Variants in TNR observed in about 807,000 individuals in gnomAD.
TNR encodes tenascin R, also known as tenascin-R.
A neutral mutation model predicts 150.4 loss-of-function variants in TNR; 45 were observed. The ratio of observed to expected loss-of-function variants is 0.30; its 90% confidence interval spans 0.24 to 0.38. The LOEUF (loss-of-function observed/expected upper bound fraction) is 0.38. Among genes scored for constraint, TNR ranks in the 10% least tolerant of loss-of-function variants. The pLI is 1.00. For synonymous variants in TNR, 687 were observed against 678.4 expected, an observed-to-expected ratio of 1.01 and a Z score of -0.20; for missense variants, 1,544 against 1,759.1, an observed-to-expected ratio of 0.88 and a Z score of 2.19.
At chr1:175,671,286 G>T (rs1434671091) in intron 1 of TNR, among the ~76,000 whole-genome samples, 1 of 152,338 alleles carries the variant, frequency 6.6e-6, no homozygotes, top group African/African-American at 2.4e-5. Flanking sequence ...TTTATGCTCA[G>T]TTCTCAGGAG....
chr1:175,363,918 A>G (rs2102012467), intron 12 of TNR, 91 bp from the exon 13 acceptor site: 2 of 1,468,160 alleles, frequency 1.4e-6, no homozygotes, highest in Non-Finnish European at 1.8e-6. Flanking sequence ...CCAAAAGCCA[A>G]TGTTGTCCCA....
chr1:175,347,070 G>A (rs1215222010), intron 18 of TNR, among the ~76,000 whole-genome samples: 6 of 151,982 alleles, frequency 3.9e-5, no homozygotes, highest in East Asian at 3.8e-4. Context: ...AAGTCTAAAC[G>A]GATGGTAGCT....
chr1:175,703,180 GTTAA>G (rs1382326297), intron 1 of TNR, among the ~76,000 whole-genome samples: 1 of 152,166 alleles, frequency 6.6e-6, no homozygotes. Flanking sequence ...TCTTATGCTG[GTTAA>G]TTGATAGTCT....
chr1:175,735,113 C>T (rs1296624801), intron 1 of TNR, among the ~76,000 whole-genome samples: 1 of 152,212 alleles, frequency 6.6e-6, no homozygotes, highest in African/African-American at 2.4e-5. Context: ...TTATAGGTGG[C>T]TCTGGCCTCT....
At chr1:175,449,912 C>T (rs1052500497) in intron 2 of TNR, among the ~76,000 whole-genome samples, 8 of 152,320 alleles carry the variant, frequency 5.3e-5, no homozygotes, top group African/African-American at 1.7e-4. Flanking sequence ...AGATGGACTC[C>T]ACCTGCAGCC....
At chr1:175,681,239 A>T (rs752441335) in intron 1 of TNR, among the ~76,000 whole-genome samples, 4 of 152,218 alleles carry the variant, frequency 2.6e-5, no homozygotes, top group African/African-American at 4.8e-5. Context: ...GCTCCCAACA[A>T]CGCATCAGTG....
At chr1:175,377,811 A>G (rs895099651) in intron 9 of TNR, among the ~76,000 whole-genome samples, 1 of 152,178 alleles carries the variant, frequency 6.6e-6, no homozygotes, top group Non-Finnish European at 1.5e-5. Flanking sequence ...GACACAAATT[A>G]AACAAAATCT....
chr1:175,627,333 G>GTTTATAAAACTTGTTCTCA (rs1262013026), intron 1 of TNR, among the ~76,000 whole-genome samples: 4 of 152,174 alleles, frequency 2.6e-5, no homozygotes, highest in Non-Finnish European at 5.9e-5. Flanking sequence ...TTAGATCAGA[G>GTTTATAAAACTTGTTCTCA]TTTATAAAAC....
At chr1:175,661,808 T>A (rs929417789) in intron 1 of TNR, among the ~76,000 whole-genome samples, 1 of 29,866 alleles carries the variant, frequency 3.3e-5, no homozygotes, top group Non-Finnish European at 8.9e-5. Context: ...CCCCCCACCC[T>A]TTTCTCTTCT....
At chr1:175,391,917 G>C (rs764450276) in intron 6 of TNR, among the ~76,000 whole-genome samples, 53 of 152,226 alleles carry the variant, frequency 3.5e-4, no homozygotes, top group Non-Finnish European at 8.8e-5. Context: ...ACATTGCTAT[G>C]AGATAATTGT....
chr1:175,385,213 G>A (rs891506928), intron 8 of TNR, among the ~76,000 whole-genome samples: 1 of 152,176 alleles, frequency 6.6e-6, no homozygotes, highest in Admixed American at 6.5e-5. Context: ...CTGATCACAG[G>A]CCCTTATTGA....
intron 2 of TNR, among the ~76,000 whole-genome samples, chr1:175,501,227 G>C (rs532509893): frequency 5.1e-4 from 77 of 152,292 alleles, no homozygotes; most frequent in South Asian, 3.3e-3. Flanking sequence ...ACACTCTCCT[G>C]TTGGCCTGGA....
chr1:175,662,200 T>C (rs975654680), intron 1 of TNR, among the ~76,000 whole-genome samples: 3 of 152,182 alleles, frequency 2.0e-5, no homozygotes, highest in Admixed American at 1.3e-4. Context: ...TGATATGACA[T>C]GGTGGTTCAT....
At chr1:175,556,626 C>T (rs1184129376) in intron 1 of TNR, 1 of 152,898 alleles carries the variant, frequency 6.5e-6, no homozygotes, top group Admixed American at 6.5e-5. Flanking sequence ...TGTTTAGCCT[C>T]TCAGCCTCCC....
At position 175,369,052 on chromosome 1, in the gene TNR, C is replaced by T. The variant is rs544127193; in HGVS notation, c.1964-1755G>A. Among the ~76,000 whole-genome samples, 6 of 152,316 alleles carry T rather than the reference C, an allele frequency of 3.9e-5. No individual in the cohort carries two copies. In the East Asian group the frequency reaches 1.2e-3, roughly 29 times the overall value. On this transcript the variant is annotated intron_variant, in intron 9 of 22. Coordinates refer to ENST00000367674, the MANE Select transcript of TNR (RefSeq NM_003285.3). ...CCTCCAGTGGTCAGTCTGAGTCCTT[C>T]CGGTAGGCTCTTTTTGGGGCTTTGT...
intron 1 of TNR, among the ~76,000 whole-genome samples, chr1:175,552,669 A>C (rs1318703629): frequency 6.6e-6 from 1 of 152,212 alleles, no homozygotes; most frequent in Non-Finnish European, 1.5e-5. Context: ...TATCTCTGGT[A>C]CATTGTCTAT....
At chr1:175,585,759 C>G (rs72725457) in intron 1 of TNR, among the ~76,000 whole-genome samples, 3,663 of 152,186 alleles carry the variant, frequency 0.024, 70 homozygotes, top group Non-Finnish European at 0.035. Flanking sequence ...CTCCCACTTC[C>G]TTCCCTTCCT....
intron 1 of TNR, among the ~76,000 whole-genome samples, chr1:175,624,314 C>A (rs1189162197): frequency 6.6e-6 from 1 of 152,050 alleles, no homozygotes; most frequent in Non-Finnish European, 1.5e-5. Flanking sequence ...TCCCTCCATC[C>A]CCCAATTCAT....
chr1:175,574,698 C>A (rs1301543453), intron 1 of TNR, among the ~76,000 whole-genome samples: 1 of 152,186 alleles, frequency 6.6e-6, no homozygotes, highest in African/African-American at 2.4e-5. Flanking sequence ...TCTTTCCTCT[C>A]CTATGGTGCA....
Sources: allele counts gnomAD v4.1 joint callset (sites outside exome capture counted in the v4.1 genomes callset), GRCh38; gene constraint gnomAD v4.1.1; transcripts MANE v1.5; gene names NCBI Gene and HGNC (gene_info 2026-07-23, HGNC 2026-07-21).